The following RFX3 variants were observed in gnomAD, a reference collection of about 807,000 sequenced individuals.
RFX3 encodes the protein transcription factor RFX3.
In RFX3, 14 loss-of-function variants were observed where a neutral mutation model predicts 98.6. That is an observed-to-expected ratio of 0.14 (90% CI 0.09 to 0.22). RFX3 has a LOEUF of 0.22. Ranked by LOEUF, RFX3 falls within the 10% of genes least tolerant of loss-of-function variation. The probability of loss-of-function intolerance (pLI) is 1.00; values close to 1 mark genes in which losing one functional copy is unlikely to be tolerated. For synonymous variants in RFX3, 383 were observed against 328.4 expected, an observed-to-expected ratio of 1.17 and a Z score of -1.80; for missense variants, 639 against 926.9, an observed-to-expected ratio of 0.69 and a Z score of 4.03.
rs73385666 is a variant in RFX3 at position 3,416,000 on chromosome 9, A to G, written c.-8-20404T>C. Among the ~76,000 whole-genome samples the G allele has an allele frequency of 9.9e-3, 1,509 of 152,302 alleles. 25 individuals are homozygous for G. Among genetic ancestry groups the G allele is most frequent in the African/African-American group, 0.034 (1,417 of 41,554 alleles). On this transcript the variant is annotated intron_variant, in intron 1 of 16. Transcript: ENST00000617270. ...CATAGTAACTTCAGTTATATTAATC[A>G]TTGCTTCTCTAACATGTGCACAACA...
intron 2 of RFX3, among the ~76,000 whole-genome samples, chr9:3,350,939 G>A (rs1316309489): frequency 3.3e-5 from 5 of 152,078 alleles, no homozygotes; most frequent in African/African-American, 7.2e-5. Context: ...GCCACTGGGG[G>A]AAAGGAGAGA....
intron 8 of RFX3, among the ~76,000 whole-genome samples, chr9:3,276,836 T>A (rs1825292769): frequency 6.6e-6 from 1 of 152,068 alleles, no homozygotes; most frequent in Admixed American, 6.6e-5. Context: ...TATGCAAGTT[T>A]TTCTTCCTAA....
At chr9:3,403,156 G>A (rs1284330196) in intron 1 of RFX3, among the ~76,000 whole-genome samples, 2 of 151,880 alleles carry the variant, frequency 1.3e-5, no homozygotes, top group African/African-American at 2.4e-5. Context: ...TAAAACACTT[G>A]GCTTTCTTCC....
intron 14 of RFX3, 151 bp from the exon 15 acceptor site, chr9:3,248,336 C>T: frequency 1.1e-6 from 1 of 913,564 alleles, no homozygotes; most frequent in Non-Finnish European, 1.6e-6. Flanking sequence ...TTATTGAACG[C>T]AGTTGCAACT....
chr9:3,432,206 A>G (rs1223704110), intron 1 of RFX3, among the ~76,000 whole-genome samples: 1 of 152,080 alleles, frequency 6.6e-6, no homozygotes, highest in East Asian at 1.9e-4. Context: ...AGTTCTTTTG[A>G]TATTGAACAA....
Position 3,301,577 on chromosome 9 carries a change from G to T in RFX3, c.518C>A (p.Ser173Tyr). 1 of 1,601,560 alleles carries T rather than the reference G, an allele frequency of 6.2e-7. No individual in the cohort carries two copies. Among genetic ancestry groups the T allele is most frequent in the Non-Finnish European group, 8.5e-7 (1 of 1,171,372 alleles). ...GTTGAGAAGAGAGCTTCTGTGAGTG[G>T]ACAGACCGTCAGACTTTTGCAGCGT... is the stretch of plus-strand genomic sequence containing the variant. ...IETLQKSDGL[S>Y]THRSSLLNSH... is the part of the protein sequence containing the mutation. Residue 173 changes from serine to tyrosine, a missense_variant, in exon 5 of 17, where the codon TCC becomes TAC. Around this residue, in one of 9 missense-constraint regions of RFX3, gnomAD observed 16 missense variants for 30.0 expected, o/e 0.53. Transcript: ENST00000617270.
chr9:3,384,676 T>C (rs1839521071), intron 2 of RFX3, among the ~76,000 whole-genome samples: 1 of 152,200 alleles, frequency 6.6e-6, no homozygotes, highest in East Asian at 1.9e-4. Flanking sequence ...TTCAAAATGA[T>C]AGCTATTATT....
chr9:3,230,195 T>C (rs892053025), intron 15 of RFX3, among the ~76,000 whole-genome samples: 41 of 152,310 alleles, frequency 2.7e-4, no homozygotes, highest in African/African-American at 9.4e-4. Context: ...CTTTATTTCT[T>C]AGCATTTCAG....
At chr9:3,318,795 T>G (rs1172749448) in intron 4 of RFX3, among the ~76,000 whole-genome samples, 1 of 152,180 alleles carries the variant, frequency 6.6e-6, no homozygotes, top group East Asian at 1.9e-4. Context: ...TTCTTAACAT[T>G]TTCATAGCGG....
intron 2 of RFX3, among the ~76,000 whole-genome samples, chr9:3,363,786 C>G (rs970100445): frequency 5.3e-5 from 8 of 152,222 alleles, no homozygotes; most frequent in Admixed American, 1.3e-4. Context: ...ATTCCTCCCA[C>G]AATACCAGTG....
At chr9:3,275,393 T>G (rs1825075612) in intron 9 of RFX3, 107 bp downstream of exon 9, 1 of 592,298 alleles carries the variant, frequency 1.7e-6, no homozygotes, top group African/African-American at 1.9e-5. Flanking sequence ...CTCAAAAGAA[T>G]TAGTGCTAAG....
chr9:3,503,324 G>A (rs7857554), intron 1 of RFX3, among the ~76,000 whole-genome samples: 30,076 of 151,848 alleles, frequency 0.2, 5,286 homozygotes, highest in East Asian at 0.58. Flanking sequence ...AGAGAAAGAT[G>A]GTTTTTTGCT....
intron 1 of RFX3, among the ~76,000 whole-genome samples, chr9:3,416,931 G>C (rs941193214): frequency 8.6e-5 from 13 of 151,730 alleles, no homozygotes; most frequent in Admixed American, 7.2e-4. Context: ...CCAATGAAGA[G>C]ACAGAGATTG....
chr9:3,434,120 G>A (rs916872963), intron 1 of RFX3, among the ~76,000 whole-genome samples: 3 of 152,150 alleles, frequency 2.0e-5, no homozygotes, highest in African/African-American at 7.2e-5. Context: ...GTTGACTGAC[G>A]ATACTATTCA....
chr9:3,336,519 T>G (rs1446423669), intron 3 of RFX3, among the ~76,000 whole-genome samples: 1 of 151,886 alleles, frequency 6.6e-6, no homozygotes, highest in Non-Finnish European at 1.5e-5. Context: ...AACTAAAAGA[T>G]GAAAAGGAGT....
chr9:3,522,307 C>T (rs1049124351), intron 1 of RFX3, among the ~76,000 whole-genome samples: 1 of 152,160 alleles, frequency 6.6e-6, no homozygotes, highest in Non-Finnish European at 1.5e-5. Context: ...CATACTTTGT[C>T]ATGGCCACTG....
intron 2 of RFX3, among the ~76,000 whole-genome samples, chr9:3,356,069 T>C (rs555808287): frequency 9.2e-6 from 1 of 108,734 alleles, no homozygotes; most frequent in East Asian, 3.2e-4. Flanking sequence ...TTTAAATATA[T>C]ATATTAGGGG....
chr9:3,247,204 C>G (rs1427818513), intron 15 of RFX3: 1 of 985,846 alleles, frequency 1.0e-6, no homozygotes, highest in East Asian at 1.1e-4. Context: ...TAAGCCAGTG[C>G]TGAACCATCT....
At chr9:3,506,207 T>TG (rs1297200146) in intron 1 of RFX3, among the ~76,000 whole-genome samples, 1 of 146,718 alleles carries the variant, frequency 6.8e-6, no homozygotes, top group Non-Finnish European at 1.5e-5. Flanking sequence ...GGACAACTGT[T>TG]TTTTTTTTTT....
Sources: gnomAD v4.1 joint callset for allele counts (sites outside exome capture counted in the v4.1 genomes callset) on GRCh38, gnomAD v4.1.1 for gene constraint, gnomAD v4.1.1 regional missense constraint, MANE v1.5 for transcripts, NCBI Gene and HGNC (gene_info 2026-07-23, HGNC 2026-07-21) for gene names.